ARMH4: variants seen among roughly 807,000 people sequenced by gnomAD.
The protein encoded by ARMH4 is armadillo-like helical domain-containing protein 4.
In ARMH4, 49 loss-of-function variants were observed where a neutral mutation model predicts 61.9. The observed-to-expected ratio is 0.79, with a 90% confidence interval of 0.63 to 1.00. The LOEUF (loss-of-function observed/expected upper bound fraction) is 1.00, where lower values mean the gene tolerates loss of function less well. Ranked by LOEUF, ARMH4 falls within the 50% of genes least tolerant of loss-of-function variation. The pLI, the probability that ARMH4 is intolerant of heterozygous loss-of-function variation, is 0.00. For synonymous variants in ARMH4, 368 were observed against 341.5 expected, an observed-to-expected ratio of 1.08 and a Z score of -0.85; for missense variants, 934 against 930.0, an observed-to-expected ratio of 1.00 and a Z score of -0.06.
chr14:58,048,698 A>T (rs762997162), intron 5 of ARMH4, among the ~76,000 whole-genome samples: 4 of 152,260 alleles, frequency 2.6e-5, no homozygotes, highest in African/African-American at 4.8e-5. Flanking sequence ...AAAGAATGTG[A>T]GTATAAGCAA....
intron 5 of ARMH4, among the ~76,000 whole-genome samples, chr14:58,051,315 A>G (rs532639760): frequency 9.9e-5 from 15 of 152,064 alleles, no homozygotes; most frequent in Non-Finnish European, 1.6e-4. Context: ...TCCAGAGTAA[A>G]TAGATTCATC....
intron 5 of ARMH4, among the ~76,000 whole-genome samples, chr14:58,019,029 A>G (rs1262047987): frequency 7.5e-6 from 1 of 133,754 alleles, no homozygotes; most frequent in African/African-American, 3.0e-5. Context: ...ACAGAAAGAC[A>G]AATATCGCAC....
intron 5 of ARMH4, among the ~76,000 whole-genome samples, chr14:58,057,323 G>C (rs1884377477): frequency 1.3e-5 from 2 of 152,128 alleles, no homozygotes; most frequent in Admixed American, 1.3e-4. Context: ...AGATTTTACA[G>C]GACACTTAGG....
chr14:58,053,311 A>G (rs937847969), intron 5 of ARMH4, among the ~76,000 whole-genome samples: 3 of 152,130 alleles, frequency 2.0e-5, no homozygotes, highest in Non-Finnish European at 4.4e-5. Flanking sequence ...CCCATGTGCT[A>G]TTCCACGGCA....
At chr14:58,014,665 T>C (rs1882537136) in intron 5 of ARMH4, among the ~76,000 whole-genome samples, 1 of 152,172 alleles carries the variant, frequency 6.6e-6, no homozygotes, top group Non-Finnish European at 1.5e-5. Flanking sequence ...TCAACAAATA[T>C]TTATTATGTA....
At chr14:58,118,033 G>A (rs966489314) in intron 4 of ARMH4, among the ~76,000 whole-genome samples, 2 of 152,130 alleles carry the variant, frequency 1.3e-5, no homozygotes, top group Non-Finnish European at 2.9e-5. Context: ...CAAAGTGCTG[G>A]GAGAGAGCCG....
At chr14:58,123,791 AG>A (rs1886809376) in intron 4 of ARMH4, among the ~76,000 whole-genome samples, 3 of 152,218 alleles carry the variant, frequency 2.0e-5, no homozygotes, top group Non-Finnish European at 2.9e-5. Context: ...CATTAGCCCA[AG>A]ACTTGAGCCA....
At chr14:58,125,242 C>G (rs1566591804) in intron 4 of ARMH4, among the ~76,000 whole-genome samples, 1 of 152,048 alleles carries the variant, frequency 6.6e-6, no homozygotes, top group Admixed American at 6.6e-5. Context: ...CCAAGCCCCA[C>G]TACTCAGCAG....
At chr14:58,014,977 C>A (rs1314741445) in intron 5 of ARMH4, among the ~76,000 whole-genome samples, 1 of 152,100 alleles carries the variant, frequency 6.6e-6, no homozygotes, top group Admixed American at 6.6e-5. Flanking sequence ...GTGGAGGAGG[C>A]AAGATGGTGC....
intron 5 of ARMH4, among the ~76,000 whole-genome samples, chr14:58,032,997 G>A (rs1382989322): frequency 7.3e-6 from 1 of 136,750 alleles, no homozygotes; most frequent in Non-Finnish European, 1.6e-5. Context: ...CATTGCCCAG[G>A]CTTGCTTAGG....
intron 4 of ARMH4, among the ~76,000 whole-genome samples, chr14:58,127,378 G>A (rs1886928961): frequency 6.6e-6 from 1 of 152,068 alleles, no homozygotes; most frequent in South Asian, 2.1e-4. Flanking sequence ...ATAAAGGGCA[G>A]TTCCCCTATA....
At chr14:58,142,308 A>C (rs1887590655) in intron 1 of ARMH4, among the ~76,000 whole-genome samples, 1 of 152,156 alleles carries the variant, frequency 6.6e-6, no homozygotes, top group Non-Finnish European at 1.5e-5. Flanking sequence ...TCTTCCCTTA[A>C]GGAGTTTCAA....
intron 4 of ARMH4, among the ~76,000 whole-genome samples, chr14:58,115,109 A>C (rs1886475443): frequency 6.6e-6 from 1 of 152,212 alleles, no homozygotes; most frequent in South Asian, 2.1e-4. Context: ...AATTAAACTT[A>C]AGAGCTTTTG....
intron 4 of ARMH4, among the ~76,000 whole-genome samples, chr14:58,122,944 C>A (rs918774486): frequency 6.6e-6 from 1 of 152,070 alleles, no homozygotes; most frequent in African/African-American, 2.4e-5. Flanking sequence ...TCACAGAGCC[C>A]CAGGTATGCT....
At chr14:58,130,171 A>C (rs1887040027) in intron 4 of ARMH4, among the ~76,000 whole-genome samples, 1 of 152,232 alleles carries the variant, frequency 6.6e-6, no homozygotes, top group Non-Finnish European at 1.5e-5. Context: ...AGGAGAGCAG[A>C]CAGTTTATAT....
intron 6 of ARMH4, among the ~76,000 whole-genome samples, chr14:58,009,726 G>C (rs901024258): frequency 6.8e-6 from 1 of 146,128 alleles, no homozygotes; most frequent in Non-Finnish European, 1.5e-5. Context: ...CATAAGAATC[G>C]CTTGAACCCA....
Position 58,138,745 on chromosome 14 carries a change from G to A in ARMH4, c.614C>T (p.Ser205Leu). 6.2e-7 allele frequency: 1 copy of A among 1,614,178 alleles called. No homozygotes were observed. The highest frequency in any genetic ancestry group is 1.1e-5 in the South Asian group (1 of 91,086). Residue 205 changes from serine (S) to leucine (L), a missense_variant, in exon 2 of 8, where the codon TCA (serine) becomes TTA (leucine). Physicochemically the swap from Ser to Leu is moderately radical, Grantham distance 145 (BLOSUM62 -2). Coordinates refer to ENST00000267485, the MANE Select transcript of ARMH4 (RefSeq NM_001001872.4). ...CTTAGTATTCACATAGGATGAAGGT[G>A]AATGTCCCAAACCAACTCCTTCCTG... ...ESQEGVGLGH[S>L]PSSYVNTKEM...
At chr14:58,123,979 G>C (rs1886815060) in intron 4 of ARMH4, among the ~76,000 whole-genome samples, 1 of 152,122 alleles carries the variant, frequency 6.6e-6, no homozygotes, top group African/African-American at 2.4e-5. Flanking sequence ...AAATACTTAG[G>C]GCTAAAATTA....
At chr14:58,008,708 C>G (rs959293585) in intron 6 of ARMH4, among the ~76,000 whole-genome samples, 4 of 152,152 alleles carry the variant, frequency 2.6e-5, no homozygotes, top group Non-Finnish European at 5.9e-5. Flanking sequence ...GCCCCATTCC[C>G]AGAGTTCCTG....
Sources: allele counts gnomAD v4.1 joint callset (sites outside exome capture counted in the v4.1 genomes callset), GRCh38; gene constraint gnomAD v4.1.1; transcripts MANE v1.5; gene names NCBI Gene and HGNC (gene_info 2026-07-23, HGNC 2026-07-21).